Variants in PKD1L1 observed in about 807,000 individuals in gnomAD.
PKD1L1 encodes the protein polycystin 1 like 1, transient receptor potential channel interacting.
In PKD1L1, 236 loss-of-function variants were observed where a neutral mutation model predicts 323.4. The ratio of observed to expected loss-of-function variants is 0.73; its 90% CI spans 0.66 to 0.81. PKD1L1 has a LOEUF of 0.81. Among genes scored for constraint, PKD1L1 ranks in the 40% least tolerant of loss-of-function variants. The probability of loss-of-function intolerance (pLI) is 0.00; values close to 1 mark genes in which losing one functional copy is unlikely to be tolerated. For synonymous variants in PKD1L1, 1,344 were observed against 1,335.0 expected, an observed-to-expected ratio of 1.01 and a Z score of -0.15; for missense variants, 3,320 against 3,508.0, an observed-to-expected ratio of 0.95 and a Z score of 1.35.
chr7:47,851,438 C>T (rs1785780639), intron 31 of PKD1L1, among the ~76,000 whole-genome samples: 1 of 152,008 alleles, frequency 6.6e-6, no homozygotes, highest in East Asian at 1.9e-4. Context: ...TAAGAAACAC[C>T]ATGCACCATA....
intron 55 of PKD1L1, among the ~76,000 whole-genome samples, chr7:47,794,699 G>T (rs1230403018): frequency 1.3e-5 from 2 of 152,180 alleles, no homozygotes; most frequent in African/African-American, 2.4e-5. Flanking sequence ...AAAAGCCACA[G>T]ACACTCAATG....
chr7:47,913,467 G>A (rs1278808689), intron 8 of PKD1L1, among the ~76,000 whole-genome samples: 1 of 152,184 alleles, frequency 6.6e-6, no homozygotes, highest in Non-Finnish European at 1.5e-5. Flanking sequence ...GTGAGGAGGT[G>A]GGTGGTGATT....
At chr7:47,906,163 T>C (rs1275606656) in intron 9 of PKD1L1, among the ~76,000 whole-genome samples, 2 of 152,242 alleles carry the variant, frequency 1.3e-5, no homozygotes. Context: ...ATTAAATTTT[T>C]CTTTGTATAT....
intron 52 of PKD1L1, among the ~76,000 whole-genome samples, chr7:47,806,845 C>G (rs891633373): frequency 1.3e-5 from 2 of 151,738 alleles, no homozygotes; most frequent in Non-Finnish European, 2.9e-5. Flanking sequence ...TGGTCATGTT[C>G]CTCCAAGAAG....
At chr7:47,841,845 TTA>T (rs1268228923) in intron 34 of PKD1L1, among the ~76,000 whole-genome samples, 1 of 152,202 alleles carries the variant, frequency 6.6e-6, no homozygotes, top group African/African-American at 2.4e-5. Context: ...TATTGCTGTT[TTA>T]TAGAGATTAT....
intron 42 of PKD1L1, among the ~76,000 whole-genome samples, chr7:47,830,612 C>T (rs893602229): frequency 1.2e-4 from 19 of 152,178 alleles, no homozygotes; most frequent in African/African-American, 4.3e-4. Flanking sequence ...GTCTAAGTAC[C>T]TGCCCATCCT....
chr7:47,884,483 G>T, intron 19 of PKD1L1, 115 bp downstream of exon 19: 1 of 913,138 alleles, frequency 1.1e-6, no homozygotes, highest in Non-Finnish European at 1.8e-6. Context: ...TTTTCCCTGT[G>T]ATTCTGTGGA....
intron 45 of PKD1L1, among the ~76,000 whole-genome samples, chr7:47,821,937 C>T (rs946500276): frequency 6.6e-6 from 1 of 152,112 alleles, no homozygotes. Context: ...GATCCACCTG[C>T]CTTGGCCTCC....
chr7:47,784,938 C>T (rs1268019302), intron 56 of PKD1L1, among the ~76,000 whole-genome samples: 2 of 152,056 alleles, frequency 1.3e-5, no homozygotes, highest in Non-Finnish European at 2.9e-5. Context: ...TATACATCAC[C>T]CACCACTTCT....
chr7:47,904,355 T>C, intron 12 of PKD1L1, 23 bp downstream of exon 12: 1 of 1,613,620 alleles, frequency 6.2e-7, no homozygotes, highest in Non-Finnish European at 8.5e-7. Context: ...TAGAGAGCAC[T>C]CCGCCGCCTT....
rs1435023316 is a variant in PKD1L1 at position 47,929,517 on chromosome 7, G to T, written c.747C>A (p.Gly249=). The T allele has an allele frequency of 6.2e-7, 1 of 1,612,658 alleles. No homozygotes were observed. ...GGGTGCGAGGAATGCCAGGCGGAAG[G>T]CCGTGGGAGCTGTGGGAGAGAGGGA... ...HFPTSPRSSH[G]LPPGIPRTPS... Residue 249 remains glycine, a synonymous_variant, in exon 7 of 57, where the codon GGC becomes GGA. Coordinates refer to ENST00000289672, the MANE Select transcript of PKD1L1 (RefSeq NM_138295.5).
intron 8 of PKD1L1, 66 bp downstream of exon 8, chr7:47,915,366 A>C (rs1787405454): frequency 2.6e-6 from 2 of 768,860 alleles, no homozygotes; most frequent in Non-Finnish European, 4.8e-6. Flanking sequence ...AACCAATGAA[A>C]ATTCCTGACA....
chr7:47,949,108 C>G (rs1248980115), upstream of PKD1L1, among the ~76,000 whole-genome samples: 4 of 151,588 alleles, frequency 2.6e-5, no homozygotes, highest in African/African-American at 7.3e-5. Context: ...CGGTGGCTCA[C>G]GCCTATAATC....
intron 54 of PKD1L1, among the ~76,000 whole-genome samples, chr7:47,798,331 CA>C (rs1475808717): frequency 6.6e-6 from 1 of 152,084 alleles, no homozygotes; most frequent in African/African-American, 2.4e-5. Context: ...AAATATTCTT[CA>C]AAAAAATTGT....
chr7:47,860,814 A>AGG (rs35812717), intron 26 of PKD1L1, among the ~76,000 whole-genome samples: 3 of 151,376 alleles, frequency 2.0e-5, no homozygotes, highest in African/African-American at 7.3e-5. Context: ...GATGCACAAG[A>AGG]GGGACAATGG....
chr7:47,898,062 C>T lies in PKD1L1; in HGVS notation c.2197G>A (p.Val733Met), dbSNP rs372022624. The change falls in exon 14 of 57, where the codon GTG becomes ATG. Residue 733 changes from valine (V) to methionine (M), a missense_variant. By Grantham distance (21) the Val-to-Met change is conservative. Coordinates refer to ENST00000289672, the MANE Select transcript of PKD1L1 (RefSeq NM_138295.5). ...ATGAGGGTCTGTCTGTGAGTGTCCA[C>T]AGCAGCAGGGAGGGAGACAGGGAGC... ...EGLPVSLPAA[V>M]DTHRQTLILP... 2 of 1,613,758 alleles carry T rather than the reference C, an allele frequency of 1.2e-6. No homozygotes were observed. The highest frequency in any genetic ancestry group is 2.2e-5 in the East Asian group (1 of 44,890).
chr7:47,916,857 A>G (rs1787439360), intron 7 of PKD1L1, among the ~76,000 whole-genome samples: 1 of 152,224 alleles, frequency 6.6e-6, no homozygotes, highest in Admixed American at 6.5e-5. Flanking sequence ...TCCATCTGAC[A>G]GAGCCTACCC....
chr7:47,910,465 G>A (rs941129500), intron 8 of PKD1L1, among the ~76,000 whole-genome samples: 2 of 150,604 alleles, frequency 1.3e-5, no homozygotes, highest in African/African-American at 4.9e-5. Flanking sequence ...CTCCTGAGTA[G>A]CTGGGACTAC....
rs372683374 is a variant in PKD1L1, at chr7:47,888,147, G to A, written c.2679C>T (p.Phe893=). The change falls in exon 17 of 57, where the codon TTC becomes TTT. Residue 893 remains phenylalanine, a synonymous_variant. Coordinates refer to ENST00000289672, the MANE Select transcript of PKD1L1 (RefSeq NM_138295.5). Reference sequence around the variant, plus strand: ...TAAAGCTGACCCAGGAGATGTGGACGAATCTGAAATATATAAATTGGCTTG... The same window carrying A: ...TAAAGCTGACCCAGGAGATGTGGACAAATCTGAAATATATAAATTGGCTTG... ...LSPYPDSAFR[F]VHISWVSFKD... The A allele has an allele frequency of 9.9e-6, 16 of 1,610,510 alleles. No homozygotes were observed. The highest frequency in any genetic ancestry group is 1.7e-4 in the Middle Eastern group (1 of 6,040).
Sources: allele counts gnomAD v4.1 joint callset (sites outside exome capture counted in the v4.1 genomes callset), GRCh38; gene constraint gnomAD v4.1.1; transcripts MANE v1.5; gene names NCBI Gene and HGNC (gene_info 2026-07-23, HGNC 2026-07-21).